Variants in SPICE1 observed in about 807,000 individuals in gnomAD.
SPICE1 encodes the protein spindle and centriole-associated protein 1.
SPICE1 carries 75 observed loss-of-function variants against 102.7 expected under a neutral mutation model. The observed-to-expected ratio is 0.73, with a 90% confidence interval of 0.61 to 0.88. SPICE1 has a LOEUF of 0.88. Ranked by LOEUF, SPICE1 falls within the 40% of genes least tolerant of loss-of-function variation. SPICE1 has a pLI of 0.00. For missense variants in SPICE1, 979 were observed against 1,020.1 expected, an observed-to-expected ratio of 0.96 and a Z score of 0.55; for synonymous variants, 308 against 350.3, an observed-to-expected ratio of 0.88 and a Z score of 1.35.
chr3:113,510,566 T>C (rs1252199719), intron 1 of SPICE1, among the ~76,000 whole-genome samples: 2 of 152,166 alleles, frequency 1.3e-5, no homozygotes, highest in Non-Finnish European at 1.5e-5. Flanking sequence ...GTGAGCCATA[T>C]GCAGAAAATT....
chr3:113,465,095 C>CAA (rs1936021074), intron 11 of SPICE1, among the ~76,000 whole-genome samples: 1 of 108,396 alleles, frequency 9.2e-6, no homozygotes, highest in African/African-American at 4.5e-5. Flanking sequence ...AGTGAGACAC[C>CAA]ATCTCAAAAA....
intron 2 of SPICE1, among the ~76,000 whole-genome samples, chr3:113,505,362 T>C (rs1937088761): frequency 6.6e-6 from 1 of 152,054 alleles, no homozygotes; most frequent in Admixed American, 6.6e-5. Context: ...GTCACATCCT[T>C]GTTATTAAAA....
chr3:113,461,068 T>C (rs1210535591), intron 11 of SPICE1, among the ~76,000 whole-genome samples: 1 of 152,062 alleles, frequency 6.6e-6, no homozygotes, highest in African/African-American at 2.4e-5. Context: ...TACAGGGCTT[T>C]CCATTTACAA....
At chr3:113,486,334 C>T (rs1936647682) in intron 7 of SPICE1, among the ~76,000 whole-genome samples, 1 of 149,010 alleles carries the variant, frequency 6.7e-6, no homozygotes, top group African/African-American at 2.5e-5. Flanking sequence ...TAGCAGAAGA[C>T]AAGAAATAAC....
Position 113,455,388 on chromosome 3 carries a change from T to A in SPICE1, c.1658-1438A>T, listed in dbSNP as rs1027642345. ...GATGGGAAATTCTACAGCAATAGTG[T>A]CCAATATGGCAGCCTCTAGCTATAT... On this transcript the variant is annotated intron_variant, in intron 13 of 17. Coordinates refer to ENST00000295872, the MANE Select transcript of SPICE1 (RefSeq NM_144718.4). Among the ~76,000 whole-genome samples, 6 of 152,194 alleles carry A rather than the reference T, an allele frequency of 3.9e-5. No individual in the cohort carries two copies. In the East Asian group the frequency reaches 1.2e-3, roughly 29 times the overall value.
In SPICE1 at chr3:113,453,579, A is replaced by G. The variant is rs745315410; in HGVS notation, c.2029T>C (p.Leu677=). ...DIMTRIADLT[L]QNSAIKAHMN... is the part of the protein sequence containing the mutation. ...TGTGCCTTGATAGCTGAATTCTGCA[A>G]TGTCAAATCAGCAATTCGTGTCATT... The change falls in exon 14 of 18, where the codon TTG becomes CTG. Residue 677 remains leucine, a synonymous_variant. Transcript: ENST00000295872. 4 of 1,614,048 alleles carry G rather than the reference A, an allele frequency of 2.5e-6. No individual in the cohort carries two copies. The African/African-American group carries it at 5.3e-5, about 22-fold the overall frequency.
intron 12 of SPICE1, among the ~76,000 whole-genome samples, chr3:113,459,122 AC>A (rs1199365706): frequency 2.0e-5 from 3 of 152,144 alleles, no homozygotes; most frequent in Admixed American, 2.0e-4. Flanking sequence ...CTTACCCCCA[AC>A]CCCCTGCTCT....
chr3:113,465,553 C>A, intron 11 of SPICE1, 100 bp downstream of exon 11: 1 of 1,001,402 alleles, frequency 1.0e-6, no homozygotes. Context: ...GTAATCACAT[C>A]GATACAGTTA....
chr3:113,483,661 T>C (rs1306659216), intron 7 of SPICE1, among the ~76,000 whole-genome samples: 1 of 152,228 alleles, frequency 6.6e-6, no homozygotes, highest in Non-Finnish European at 1.5e-5. Flanking sequence ...TTGGTTCTGT[T>C]TATGTGATGG....
chr3:113,461,315 ATG>A (rs1230085592), intron 11 of SPICE1, among the ~76,000 whole-genome samples: 1 of 151,340 alleles, frequency 6.6e-6, no homozygotes, highest in East Asian at 1.9e-4. Flanking sequence ...CTTTGTCTAT[ATG>A]TGTGTGTGTA....
chr3:113,473,695 A>C (rs1421886567), intron 7 of SPICE1, among the ~76,000 whole-genome samples: 2 of 151,764 alleles, frequency 1.3e-5, no homozygotes, highest in Non-Finnish European at 2.9e-5. Flanking sequence ...TAAGCTTCAT[A>C]AGTGAAGGAG....
intron 13 of SPICE1, among the ~76,000 whole-genome samples, chr3:113,454,285 C>T (rs1935729773): frequency 6.6e-6 from 1 of 152,050 alleles, no homozygotes; most frequent in Non-Finnish European, 1.5e-5. Context: ...AGCAGATAAC[C>T]AGGAAAGGCC....
intron 7 of SPICE1, among the ~76,000 whole-genome samples, chr3:113,482,233 T>A (rs1275736188): frequency 1.3e-5 from 2 of 152,200 alleles, no homozygotes; most frequent in African/African-American, 4.8e-5. Flanking sequence ...TCTGTTCATA[T>A]CCTCCACCTA....
At chr3:113,447,581 G>C (rs1935547096) in intron 16 of SPICE1, among the ~76,000 whole-genome samples, 1 of 152,172 alleles carries the variant, frequency 6.6e-6, no homozygotes, top group African/African-American at 2.4e-5. Flanking sequence ...AACACGACCT[G>C]GAACAGCACA....
chr3:113,469,616 T>A (rs888008677), intron 7 of SPICE1, among the ~76,000 whole-genome samples: 1 of 150,956 alleles, frequency 6.6e-6, no homozygotes, highest in Admixed American at 6.6e-5. Context: ...TTCAAATAGT[T>A]ACATGTTTGA....
In SPICE1 at chr3:113,493,296, T is replaced by C; in HGVS notation, c.402A>G (p.Thr134=). Reference sequence around the variant, plus strand: ...GACCCTGAGAGGAATCAGGAGCCACTGTTACATTTGGAAACCCTGCAAAAG... The same window carrying C: ...GACCCTGAGAGGAATCAGGAGCCACCGTTACATTTGGAAACCCTGCAAAAG... ...PRRRTGFPNV[T]VAPDSSQGPI... The change falls in exon 6 of 18, where the codon ACA becomes ACG. Residue 134 remains threonine (T), a synonymous_variant. Transcript: ENST00000295872. The C allele has an allele frequency of 6.2e-7, 1 of 1,613,928 alleles. No homozygotes were observed. Among genetic ancestry groups the C allele is most frequent in the Non-Finnish European group, 8.5e-7 (1 of 1,179,866 alleles).
chr3:113,476,033 A>G, intron 7 of SPICE1, among the ~76,000 whole-genome samples: 1 of 151,972 alleles, frequency 6.6e-6, no homozygotes, highest in Non-Finnish European at 1.5e-5. Flanking sequence ...CATCTAGAAA[A>G]CCCCGTTGTC....
chr3:113,496,331 T>C (rs1480640667), intron 4 of SPICE1, among the ~76,000 whole-genome samples: 1 of 152,250 alleles, frequency 6.6e-6, no homozygotes, highest in East Asian at 1.9e-4. Context: ...TAACTCTATC[T>C]ATTACTCCTC....
chr3:113,475,457 C>G (rs1936319662), intron 7 of SPICE1, among the ~76,000 whole-genome samples: 2 of 151,894 alleles, frequency 1.3e-5, no homozygotes, highest in South Asian at 4.2e-4. Flanking sequence ...ATCCTGATAC[C>G]AAAGCCGGGC....
Sources: allele counts gnomAD v4.1 joint callset (sites outside exome capture counted in the v4.1 genomes callset), GRCh38; gene constraint gnomAD v4.1.1; transcripts MANE v1.5; gene names NCBI Gene and HGNC (gene_info 2026-07-23, HGNC 2026-07-21).